Variants in MPP2 observed in about 807,000 individuals in gnomAD.
The protein encoded by MPP2 is MAGUK p55 subfamily member 2.
A neutral mutation model predicts 58.5 loss-of-function variants in MPP2; 42 were observed. That is an observed-to-expected ratio of 0.72 (90% CI 0.56 to 0.93). The LOEUF (loss-of-function observed/expected upper bound fraction) is 0.93, where lower values mean the gene tolerates loss of function less well. MPP2 is among the 40% of genes least tolerant of loss of function. The pLI is 0.00. For missense variants in MPP2, 632 were observed against 760.4 expected, an observed-to-expected ratio of 0.83 and a Z score of 1.99; for synonymous variants, 300 against 307.8, an observed-to-expected ratio of 0.97 and a Z score of 0.26.
chr17:43,907,894 G>T (rs937189339), upstream of MPP2: 6 of 985,282 alleles, frequency 6.1e-6, no homozygotes, highest in African/African-American at 8.7e-5. Flanking sequence ...CTAGTTCCAG[G>T]CGTGCCTCAC....
chr17:43,901,309 C>T (rs1433809925), intron 2 of MPP2: 1 of 985,588 alleles, frequency 1.0e-6, no homozygotes, highest in Non-Finnish European at 1.2e-6. Context: ...AGCTTCTTCC[C>T]CTCCCCCATC....
intron 3 of MPP2, among the ~76,000 whole-genome samples, chr17:43,892,621 G>A (rs1360915272): frequency 1.3e-5 from 2 of 152,060 alleles, no homozygotes; most frequent in Non-Finnish European, 2.9e-5. Context: ...CAGGGAGAAA[G>A]AAGTTACTGG....
In MPP2 at chr17:43,879,391, G is replaced by A. The variant is rs933012336; in HGVS notation, c.1366C>T (p.Leu456=). Residue 456 remains leucine, a synonymous_variant, in exon 12 of 13, where the codon CTA becomes TTA. Coordinates refer to ENST00000269095, the MANE Select transcript of MPP2 (RefSeq NM_005374.5). This position sits in a 1 kb window ranked among gnomAD's most constrained non-coding sequence, Gnocchi z 4.1. ...LDVNPQAVKV[L]RTAEFVPYVV... is the part of the protein sequence containing the mutation. ...TAAGGGACAAACTCGGCCGTTCGTA[G>A]CACCTTCACCGCCTGCAGAAGGAGA... The A allele has an allele frequency of 6.2e-7, 1 of 1,614,150 alleles. No homozygotes were observed. The highest frequency in any genetic ancestry group is 1.1e-5 in the South Asian group (1 of 91,072).
intron 2 of MPP2, among the ~76,000 whole-genome samples, chr17:43,902,431 T>C (rs1300207909): frequency 6.6e-6 from 1 of 151,592 alleles, no homozygotes; most frequent in Non-Finnish European, 1.5e-5. Context: ...GGCTCAGGGG[T>C]GGGTTTAATT....
intron 3 of MPP2, among the ~76,000 whole-genome samples, chr17:43,891,724 C>T (rs2047615919): frequency 6.6e-6 from 1 of 152,120 alleles, no homozygotes; most frequent in African/African-American, 2.4e-5. Context: ...GGTGAGACCT[C>T]ACCTTTCTTT....
chr17:43,907,094 C>G, intron 1 of MPP2: 1 of 905,796 alleles, frequency 1.1e-6, no homozygotes, highest in Middle Eastern at 5.6e-4. Flanking sequence ...GTCTCGCTCC[C>G]CAACCCCCGG....
intron 3 of MPP2, among the ~76,000 whole-genome samples, chr17:43,895,809 C>T (rs1387028464): frequency 1.3e-5 from 2 of 152,108 alleles, no homozygotes; most frequent in Non-Finnish European, 2.9e-5. Flanking sequence ...AGCTTCTTGT[C>T]TTTATCTTTA....
At chr17:43,909,127 C>T (rs936639988), upstream of MPP2, among the ~76,000 whole-genome samples, 2 of 152,174 alleles carry the variant, frequency 1.3e-5, no homozygotes, top group East Asian at 3.8e-4. Context: ...GGTGCAATGG[C>T]ATGATCTCGG....
In MPP2 at chr17:43,877,785, G is replaced by A; in HGVS notation, c.*22C>T. The A allele has an allele frequency of 1.2e-6, 2 of 1,603,884 alleles. No homozygotes were observed. The highest frequency in any genetic ancestry group is 1.7e-6 in the Non-Finnish European group (2 of 1,171,894). On this transcript the variant is annotated 3_prime_UTR_variant, in exon 13 of 13. Transcript: ENST00000269095. ...GGTTCTGGGTTTCAACACAGAGTGA[G>A]CCAAAGACCAGGTGAACAGGCTCAG...
chr17:43,907,774 C>G, upstream of MPP2: 1 of 985,478 alleles, frequency 1.0e-6, no homozygotes, highest in Non-Finnish European at 1.2e-6. Flanking sequence ...GGTACCAGTA[C>G]CCGCTGGTGC....
At chr17:43,904,385 C>T (rs760241739) in intron 2 of MPP2, 45 bp downstream of exon 2, 1 of 1,603,144 alleles carries the variant, frequency 6.2e-7, no homozygotes, top group South Asian at 1.1e-5. Flanking sequence ...CGCCTGGCAC[C>T]CTCTGAACCA....
chr17:43,904,787 C>T (rs766948147), intron 1 of MPP2, among the ~76,000 whole-genome samples: 2 of 152,154 alleles, frequency 1.3e-5, no homozygotes, highest in African/African-American at 2.4e-5. Flanking sequence ...GGTTTTATGA[C>T]TCAAAAATAA....
In MPP2 at chr17:43,877,613, C is replaced by T. The variant is rs2046902328; in HGVS notation, c.*194G>A. 2 of 614,682 alleles carry T rather than the reference C, an allele frequency of 3.3e-6. No individual in the cohort carries two copies. Among genetic ancestry groups the T allele is most frequent in the South Asian group, 3.9e-5 (2 of 51,054 alleles). The allele number at this position is 614,682 out of a possible 1,614,324, so 38.1% of individuals were successfully genotyped here. A position where few individuals can be genotyped will look rare whatever the true frequency, so the allele number is the denominator to read the frequency against. ...GTGGGCAGCACCTGGGCACAAGGTA[C>T]CCCATGAATGCCCACCTCCCTGGCA... On this transcript the variant is annotated 3_prime_UTR_variant, in exon 13 of 13. Transcript: ENST00000269095.
chr17:43,907,328 G>C, intron 1 of MPP2, 146 bp downstream of exon 1: 1 of 985,748 alleles, frequency 1.0e-6, no homozygotes, highest in Non-Finnish European at 1.2e-6. Context: ...AGGGGCGGGG[G>C]CGGGTGGACA....
intron 1 of MPP2, among the ~76,000 whole-genome samples, chr17:43,906,779 T>C (rs770356938): frequency 2.0e-5 from 3 of 152,076 alleles, no homozygotes; most frequent in Non-Finnish European, 4.4e-5. Context: ...GAAGGCTCTC[T>C]ACGTGCGCGC....
intron 2 of MPP2, chr17:43,900,652 G>C (rs2048057345): frequency 7.0e-7 from 1 of 1,431,068 alleles, no homozygotes; most frequent in Non-Finnish European, 9.2e-7. Flanking sequence ...CGGGAGTCGA[G>C]GAGCGCCCTC....
Position 43,879,730 on chromosome 17 carries a change from G to T in MPP2, c.1353+52C>A. ...GTCTGGAACTATATGGGGGAGCAATGAGGCAGCAGAGAGGACATTGGGCAG... is the reference window on the plus strand; with the variant it reads ...GTCTGGAACTATATGGGGGAGCAATTAGGCAGCAGAGAGGACATTGGGCAG... On this transcript the variant is annotated intron_variant, in intron 11 of 12. Coordinates refer to ENST00000269095, the MANE Select transcript of MPP2 (RefSeq NM_005374.5). The surrounding 1 kb of genome is among the most constrained non-coding windows in gnomAD (Gnocchi z 4.1). 6.3e-7 allele frequency: 1 copy of T among 1,591,512 alleles called. No individual in the cohort carries two copies. The highest frequency in any genetic ancestry group is 8.6e-7 in the Non-Finnish European group (1 of 1,164,600).
chr17:43,900,468 T>C, intron 2 of MPP2: 1 of 1,178,942 alleles, frequency 8.5e-7, no homozygotes, highest in Non-Finnish European at 1.2e-6. Flanking sequence ...CGCCCTTCCC[T>C]ACCTTCCCTC....
At chr17:43,904,089 G>A (rs1192441203) in intron 2 of MPP2, among the ~76,000 whole-genome samples, 3 of 152,136 alleles carry the variant, frequency 2.0e-5, no homozygotes, top group East Asian at 1.9e-4. Context: ...GCCCAGCTCC[G>A]GGGCCACCTC....
Sources: allele counts gnomAD v4.1 joint callset (sites outside exome capture counted in the v4.1 genomes callset), GRCh38; gene constraint gnomAD v4.1.1; non-coding constraint Gnocchi (gnomAD v3.1); transcripts MANE v1.5; gene names NCBI Gene and HGNC (gene_info 2026-07-23, HGNC 2026-07-21).